UNC13A: variants seen among roughly 807,000 people sequenced by gnomAD.
UNC13A encodes the protein unc-13 homolog A, also known as protein unc-13 homolog A.
In UNC13A, 61 loss-of-function variants were observed where a neutral mutation model predicts 219.7. The ratio of observed to expected loss-of-function variants is 0.28; its 90% CI spans 0.23 to 0.34. UNC13A has a LOEUF of 0.34. Among genes scored for constraint, UNC13A ranks in the 10% least tolerant of loss-of-function variants. The probability of loss-of-function intolerance (pLI) is 1.00; values close to 1 mark genes in which losing one functional copy is unlikely to be tolerated. For missense variants in UNC13A, 1,476 were observed against 2,270.3 expected, an observed-to-expected ratio of 0.65 and a Z score of 7.11; for synonymous variants, 920 against 884.6, an observed-to-expected ratio of 1.04 and a Z score of -0.71.
rs2076517200 is a variant in UNC13A, at chr19:17,605,762, T to G, written c.*292A>C. 2.7e-6 allele frequency: 1 copy of G among 371,110 alleles called. No individual in the cohort carries two copies. Among genetic ancestry groups the G allele is most frequent in the Non-Finnish European group, 4.8e-6 (1 of 208,824 alleles). 23.0% of individuals were successfully genotyped at this position (371,110 alleles called of 1,614,324 possible). On this transcript the variant is annotated 3_prime_UTR_variant, in exon 44 of 44. Transcript: ENST00000519716. ...TGGCCTCCTCCATAGGGACGAGGTT[T>G]CCCCCATCCCAGCTCAAAATGCCCC...
At chr19:17,679,496 G>T (rs1179677548) in intron 1 of UNC13A, among the ~76,000 whole-genome samples, 2 of 151,424 alleles carry the variant, frequency 1.3e-5, no homozygotes, top group Non-Finnish European at 2.9e-5. Flanking sequence ...GGGGAGAGGA[G>T]AGGCAGTTGG....
At chr19:17,607,006 CTCCCAGGTTGTACCTCTA>C (rs778705647) in intron 43 of UNC13A, among the ~76,000 whole-genome samples, 6 of 152,108 alleles carry the variant, frequency 3.9e-5, no homozygotes, top group Admixed American at 6.6e-5. Flanking sequence ...TCTTGTCCAC[CTCCCAGGTTGTACCTCTA>C]TCCCTGAAGT....
chr19:17,608,353 T>TAATATAAATATATATTATATATGTATATA, intron 43 of UNC13A, among the ~76,000 whole-genome samples: 1 of 116,976 alleles, frequency 8.5e-6, no homozygotes, highest in Non-Finnish European at 1.7e-5. Flanking sequence ...ATTTTATATA[T>TAATATAAATATATATTATATATGTATATA]AATATAAATA....
chr19:17,643,596 A>G (rs1219975913), intron 19 of UNC13A, among the ~76,000 whole-genome samples: 3 of 152,088 alleles, frequency 2.0e-5, no homozygotes, highest in African/African-American at 7.2e-5. Context: ...TTTTTAATAG[A>G]TACACGATTC....
At chr19:17,622,548 C>T (rs1055553676) in intron 36 of UNC13A, 7 of 152,994 alleles carry the variant, frequency 4.6e-5, no homozygotes, top group African/African-American at 7.2e-5. Flanking sequence ...AAGTAAGAGC[C>T]CTTGTAAACT....
At chr19:17,640,471 G>T in intron 22 of UNC13A, 40 bp downstream of exon 22, 2 of 1,530,432 alleles carry the variant, frequency 1.3e-6, no homozygotes, top group Non-Finnish European at 1.8e-6. Flanking sequence ...CATAAAGTTG[G>T]GCTCTCCCTA....
chr19:17,623,632 A>C, intron 35 of UNC13A, 85 bp from the exon 36 acceptor site: 1 of 685,970 alleles, frequency 1.5e-6, no homozygotes, highest in Admixed American at 3.4e-5. Flanking sequence ...GAGGGGGCAG[A>C]GATGGCAGCA....
At chr19:17,653,763 G>T (rs1428754067) in intron 11 of UNC13A, among the ~76,000 whole-genome samples, 1 of 151,902 alleles carries the variant, frequency 6.6e-6, no homozygotes, top group East Asian at 1.9e-4. Context: ...AAATTGCTGG[G>T]ATTACAGGCA....
intron 4 of UNC13A, among the ~76,000 whole-genome samples, chr19:17,671,897 C>T (rs1398438096): frequency 6.6e-6 from 1 of 152,214 alleles, no homozygotes; most frequent in Non-Finnish European, 1.5e-5. Context: ...CCTGCTGCTG[C>T]CCATCTGGGA....
chr19:17,635,765 A>G (rs1031331150), intron 26 of UNC13A, among the ~76,000 whole-genome samples: 1 of 152,340 alleles, frequency 6.6e-6, no homozygotes, highest in Non-Finnish European at 1.5e-5. Context: ...ACATATGTAC[A>G]CACAGTTATG....
In UNC13A at chr19:17,656,231, T is replaced by C; in HGVS notation, c.935A>G (p.Lys312Arg). Residue 312 changes from lysine to arginine, a missense_variant, in exon 10 of 44, where the codon AAA becomes AGA. Physicochemically the swap from Lys to Arg is conservative, Grantham distance 26. Transcript: ENST00000519716. The stretch of plus-strand genomic sequence containing the variant: ...ATCCTGGTCCCAGCGAGGCGAGTCT[T>C]TGTGGTAGCTGACCGAGCTGTGGCA... ...HSCHSSVSYH[K>R]DSPRWDQDEE... 2 of 1,552,152 alleles carry C rather than the reference T, an allele frequency of 1.3e-6. No individual in the cohort carries two copies. Among genetic ancestry groups the C allele is most frequent in the Non-Finnish European group, 1.7e-6 (2 of 1,147,112 alleles).
At chr19:17,670,860 T>C (rs1429276152) in intron 4 of UNC13A, among the ~76,000 whole-genome samples, 2 of 151,208 alleles carry the variant, frequency 1.3e-5, no homozygotes, top group East Asian at 3.9e-4. Context: ...GCCAAGATTG[T>C]GCCATTGCAC....
chr19:17,676,874 T>C (rs2079909055), intron 1 of UNC13A, among the ~76,000 whole-genome samples: 1 of 152,012 alleles, frequency 6.6e-6, no homozygotes, highest in Non-Finnish European at 1.5e-5. Flanking sequence ...ATTTGCCAGG[T>C]GTGGTGGCAG....
intron 31 of UNC13A, chr19:17,628,293 A>C: frequency 3.3e-6 from 1 of 304,796 alleles, no homozygotes; most frequent in Non-Finnish European, 6.3e-6. Context: ...CAACAGCCAG[A>C]CAGTGACACA....
At chr19:17,648,023 C>A (rs542854390) in intron 16 of UNC13A, among the ~76,000 whole-genome samples, 7 of 125,330 alleles carry the variant, frequency 5.6e-5, no homozygotes, top group African/African-American at 1.8e-4. Context: ...CCCTTCCAAT[C>A]CCCCCCTCCA....
In UNC13A at chr19:17,627,501, G is replaced by GC; in HGVS notation, c.3920+7dup. On this transcript the variant is annotated splice_region_variant and intron_variant, in intron 33 of 43. Coordinates refer to ENST00000519716, the MANE Select transcript of UNC13A (RefSeq NM_001080421.3). The surrounding 1 kb of genome is among the most constrained non-coding windows in gnomAD (Gnocchi z 4.7). ...CCCCACTGCCCCCAGCCCTGGAGATGCTCCCACCTGGTAGCAAACACCCGG... is the reference window on the plus strand; with the variant it reads ...CCCCACTGCCCCCAGCCCTGGAGATGCCTCCCACCTGGTAGCAAACACCCGG... 6.4e-7 allele frequency: 1 copy of GC among 1,554,960 alleles called. No individual in the cohort carries two copies. The highest frequency in any genetic ancestry group is 8.7e-7 in the Non-Finnish European group (1 of 1,148,500).
chr19:17,613,702 C>CTTTTTTTTTTTTT (rs1157023997), intron 41 of UNC13A: 2 of 124,248 alleles, frequency 1.6e-5, no homozygotes, highest in Non-Finnish European at 3.3e-5. Flanking sequence ...TCTTAAGTTT[C>CTTTTTTTTTTTTT]TTTTTTTTTT....
At position 17,658,273 on chromosome 19, in the gene UNC13A, G is replaced by A; in HGVS notation, c.560-4C>T. The A allele has an allele frequency of 6.2e-7, 1 of 1,609,770 alleles. No individual in the cohort carries two copies. The highest frequency in any genetic ancestry group is 8.5e-7 in the Non-Finnish European group (1 of 1,177,960). ...ACTGCACTGTCGGGGTCATCGTCTG[G>A]AAGAGAGAGGCGGTATGGGAAGAGG... On this transcript the variant is annotated splice_region_variant and splice_polypyrimidine_tract_variant and intron_variant, in intron 8 of 43. Coordinates refer to ENST00000519716, the MANE Select transcript of UNC13A (RefSeq NM_001080421.3).
intron 1 of UNC13A, among the ~76,000 whole-genome samples, chr19:17,680,626 G>T (rs1292668996): frequency 6.6e-6 from 1 of 152,106 alleles, no homozygotes; most frequent in African/African-American, 2.4e-5. Flanking sequence ...TCTGCATCTG[G>T]AAAATGGGGA....
Sources: allele counts gnomAD v4.1 joint callset (sites outside exome capture counted in the v4.1 genomes callset), GRCh38; gene constraint gnomAD v4.1.1; non-coding constraint Gnocchi (gnomAD v3.1); transcripts MANE v1.5; gene names NCBI Gene and HGNC (gene_info 2026-07-23, HGNC 2026-07-21).